PALD1: variants seen among roughly 807,000 people sequenced by gnomAD.
PALD1 encodes the protein phosphatase domain containing paladin 1, also known as paladin.
Under a neutral mutation model 96.0 loss-of-function variants are expected in PALD1, and 57 were observed. That is an observed-to-expected ratio of 0.59 (90% CI 0.48 to 0.74). The LOEUF (loss-of-function observed/expected upper bound fraction) is 0.74, where lower values mean the gene tolerates loss of function less well. Ranked by LOEUF, PALD1 falls within the 30% of genes least tolerant of loss-of-function variation. The probability of loss-of-function intolerance (pLI) is 0.00; values close to 1 mark genes in which losing one functional copy is unlikely to be tolerated. For synonymous variants in PALD1, 464 were observed against 473.6 expected (o/e 0.98, Z 0.26); for missense variants, 1,063 against 1,143.7 (o/e 0.93, Z 1.02).
the PALD1 span, among the ~76,000 whole-genome samples, chr10:70,460,893 A>G: frequency 6.6e-6 from 1 of 152,038 alleles, no homozygotes; most frequent in Non-Finnish European, 1.5e-5. Context: ...CGTCTCTACT[A>G]AAAATACAAA....
At chr10:70,513,487 GCGA>G (rs1846558609) in intron 1 of PALD1, among the ~76,000 whole-genome samples, 1 of 152,144 alleles carries the variant, frequency 6.6e-6, no homozygotes, top group African/African-American at 2.4e-5. Flanking sequence ...TCCAGCCTGG[GCGA>G]CACAGTGAGA....
At chr10:70,547,703 A>G (rs1035172888) in intron 18 of PALD1, among the ~76,000 whole-genome samples, 1 of 152,150 alleles carries the variant, frequency 6.6e-6, no homozygotes, top group Non-Finnish European at 1.5e-5. Context: ...AAAGCATTCA[A>G]CAACTGCTGT....
rs78973995 is a variant in PALD1, at chr10:70,550,881, T to G, written c.2262+3435T>G. Among the ~76,000 whole-genome samples the G allele has an allele frequency of 9.3e-3, 1,414 of 152,368 alleles. 27 individuals carry two copies. The highest frequency in any genetic ancestry group is 0.033 in the African/African-American group (1,356 of 41,584). On this transcript the variant is annotated intron_variant, in intron 18 of 19. Coordinates refer to ENST00000263563, the MANE Select transcript of PALD1 (RefSeq NM_014431.3). ...GTCTGTTTATCAGCTGATGGACATT[T>G]GGTTTGTTGTAGAACTTTTTGGCTA...
At chr10:70,508,358 G>A (rs1846436288) in intron 1 of PALD1, among the ~76,000 whole-genome samples, 1 of 152,216 alleles carries the variant, frequency 6.6e-6, no homozygotes, top group Admixed American at 6.5e-5. Flanking sequence ...TGTTGATGGT[G>A]CCCATTCTAG....
At chr10:70,469,639 T>G in the PALD1 span, among the ~76,000 whole-genome samples, 1 of 152,004 alleles carries the variant, frequency 6.6e-6, no homozygotes, top group Non-Finnish European at 1.5e-5. Context: ...CTGTGCCTTC[T>G]GAGAAGCCTA....
intron 19 of PALD1, 34 bp downstream of exon 19, chr10:70,564,553 C>A: frequency 6.2e-7 from 1 of 1,600,942 alleles, no homozygotes; most frequent in East Asian, 2.2e-5. Flanking sequence ...GGGGCCGGGG[C>A]GATGGCTCCT....
intron 1 of PALD1, among the ~76,000 whole-genome samples, chr10:70,495,463 T>G (rs1846178370): frequency 6.6e-6 from 1 of 152,150 alleles, no homozygotes; most frequent in Admixed American, 6.5e-5. Context: ...TGAAATGGCT[T>G]TTGCCACCAT....
At chr10:70,530,495 T>C (rs564414897) in intron 4 of PALD1, among the ~76,000 whole-genome samples, 15 of 152,306 alleles carry the variant, frequency 9.8e-5, no homozygotes, top group African/African-American at 2.6e-4. Context: ...AGAAGCTAAG[T>C]GACTTGCTCA....
chr10:70,502,651 G>A lies in PALD1; in HGVS notation c.-29-23272G>A, dbSNP rs1430299846. Among the ~76,000 whole-genome samples the A allele has an allele frequency of 2.6e-5, 4 of 152,222 alleles. No homozygotes were observed. The East Asian group carries it at 7.7e-4, about 29-fold the overall frequency. Reference sequence around the variant, plus strand: ...GATGAATATCCCTAACAGGATATGGGGCAAAAGAAGCCAATGTAAGCAAAT... The same window carrying A: ...GATGAATATCCCTAACAGGATATGGAGCAAAAGAAGCCAATGTAAGCAAAT... On this transcript the variant is annotated intron_variant, in intron 1 of 19. Transcript: ENST00000263563.
At position 70,538,353 on chromosome 10, in the gene PALD1, C is replaced by T. The variant is rs142662437; in HGVS notation, c.1397C>T (p.Thr466Met). 1.7e-5 allele frequency: 28 copies of T among 1,610,150 alleles called. No individual in the cohort carries two copies. The highest frequency in any genetic ancestry group is 3.3e-5 in the Admixed American group (2 of 60,002). ...AHPELYRLPV[T>M]LSSAGPVAPR... is the part of the protein sequence containing the mutation. ...CCTGAGCTGTACCGCCTGCCCGTGACGCTGAGCTCAGCAGGCCCTGTGGCT... is the reference window on the plus strand; with the variant it reads ...CCTGAGCTGTACCGCCTGCCCGTGATGCTGAGCTCAGCAGGCCCTGTGGCT... Residue 466 changes from threonine (T) to methionine (M), a missense_variant, in exon 12 of 20, where the codon ACG (threonine) becomes ATG (methionine). Coordinates refer to ENST00000263563, the MANE Select transcript of PALD1 (RefSeq NM_014431.3).
At chr10:70,478,031 G>A (rs1845855519), upstream of PALD1, among the ~76,000 whole-genome samples, 1 of 151,882 alleles carries the variant, frequency 6.6e-6, no homozygotes, top group Non-Finnish European at 1.5e-5. Context: ...CCGCGCGTGT[G>A]GGGTGAGGAG....
chr10:70,565,522 C>G (rs77106163), intron 19 of PALD1, among the ~76,000 whole-genome samples: 2 of 152,116 alleles, frequency 1.3e-5, no homozygotes, highest in Non-Finnish European at 2.9e-5. Context: ...GAGCAGGGGC[C>G]GGTGACCTGG....
intron 1 of PALD1, among the ~76,000 whole-genome samples, chr10:70,507,609 A>G (rs983215047): frequency 6.6e-6 from 1 of 152,208 alleles, no homozygotes; most frequent in Admixed American, 6.5e-5. Flanking sequence ...TTTAGTAGAG[A>G]TGGGGTTTCG....
chr10:70,533,540 CTCCT>C (rs1847041235), intron 7 of PALD1, among the ~76,000 whole-genome samples: 1 of 152,180 alleles, frequency 6.6e-6, no homozygotes, highest in African/African-American at 2.4e-5. Context: ...ACCTCAGTTC[CTCCT>C]TTCTTTAGTG....
intron 1 of PALD1, among the ~76,000 whole-genome samples, chr10:70,522,982 CAGAGTTGAG>C (rs1314269156): frequency 1.3e-5 from 2 of 152,126 alleles, no homozygotes; most frequent in Non-Finnish European, 2.9e-5. Flanking sequence ...TTCTTTCTGG[CAGAGTTGAG>C]AGAGATTTCA....
chr10:70,498,608 A>C (rs1846236230), intron 1 of PALD1, among the ~76,000 whole-genome samples: 1 of 149,504 alleles, frequency 6.7e-6, no homozygotes. Context: ...TTGAGGCTGT[A>C]ATTGTTCTTT....
At chr10:70,460,185 G>A in the PALD1 span, among the ~76,000 whole-genome samples, 266 of 152,100 alleles carry the variant, frequency 1.7e-3, 1 homozygote, top group African/African-American at 6.0e-3. Flanking sequence ...TCTTCCCCCT[G>A]CCCCAGGCCT....
chr10:70,516,483 CAT>C (rs1846622451), intron 1 of PALD1, among the ~76,000 whole-genome samples: 1 of 152,162 alleles, frequency 6.6e-6, no homozygotes, highest in African/African-American at 2.4e-5. Context: ...GTTTTAATAA[CAT>C]ATATTATTTA....
chr10:70,561,226 C>A (rs931256500), intron 18 of PALD1, among the ~76,000 whole-genome samples: 1 of 152,252 alleles, frequency 6.6e-6, no homozygotes, highest in African/African-American at 2.4e-5. Flanking sequence ...GAGGATCGTG[C>A]TGGTGCGGTC....
Sources: allele counts gnomAD v4.1 joint callset (sites outside exome capture counted in the v4.1 genomes callset), GRCh38; gene constraint gnomAD v4.1.1; transcripts MANE v1.5; gene names NCBI Gene and HGNC (gene_info 2026-07-23, HGNC 2026-07-21).